The following GRM8 variants were observed in gnomAD, a reference collection of about 807,000 sequenced individuals.
GRM8 encodes metabotropic glutamate receptor 8.
In GRM8, 47 loss-of-function variants were observed where a neutral mutation model predicts 87.2. That is an observed-to-expected ratio of 0.54 (90% CI 0.43 to 0.69). The LOEUF (loss-of-function observed/expected upper bound fraction) is 0.69, where lower values mean the gene tolerates loss of function less well. Ranked by LOEUF, GRM8 falls within the 30% of genes least tolerant of loss-of-function variation. GRM8 has a pLI of 0.00. For missense variants in GRM8, 1,019 were observed against 1,139.2 expected (o/e 0.89, Z 1.52); for synonymous variants, 396 against 404.5 (o/e 0.98, Z 0.25).
intron 7 of GRM8, among the ~76,000 whole-genome samples, chr7:126,656,838 C>T (rs1044222482): frequency 6.6e-6 from 1 of 152,112 alleles, no homozygotes; most frequent in East Asian, 1.9e-4. Flanking sequence ...AAAAGTTATG[C>T]CTCTCATCAG....
chr7:126,483,774 T>TCCC, intron 9 of GRM8, among the ~76,000 whole-genome samples: 7 of 51,786 alleles, frequency 1.4e-4, no homozygotes, highest in African/African-American at 4.6e-4. Flanking sequence ...CCTCCCTCCC[T>TCCC]TCCTCCCCTC....
At chr7:126,531,320 A>G (rs1265037289) in intron 9 of GRM8, among the ~76,000 whole-genome samples, 2 of 152,240 alleles carry the variant, frequency 1.3e-5, no homozygotes, top group African/African-American at 2.4e-5. Context: ...TATAAATACA[A>G]AATGAATCCA....
At chr7:126,584,745 T>C (rs1442572286) in intron 8 of GRM8, among the ~76,000 whole-genome samples, 1 of 152,186 alleles carries the variant, frequency 6.6e-6, no homozygotes, top group African/African-American at 2.4e-5. Flanking sequence ...CGTTTCCGCT[T>C]AGGCCTGTTT....
intron 7 of GRM8, among the ~76,000 whole-genome samples, chr7:126,724,391 T>C (rs986274807): frequency 1.9e-4 from 29 of 152,118 alleles, no homozygotes; most frequent in Non-Finnish European, 2.4e-4. Flanking sequence ...GGTGCAAATA[T>C]ACAGCAGGAA....
intron 9 of GRM8, among the ~76,000 whole-genome samples, chr7:126,448,938 A>T (rs1802316287): frequency 6.6e-6 from 1 of 151,824 alleles, no homozygotes; most frequent in South Asian, 2.1e-4. Flanking sequence ...AACAGGTACT[A>T]GGCTTAATAC....
intron 3 of GRM8, among the ~76,000 whole-genome samples, chr7:127,089,661 C>A (rs747647394): frequency 6.6e-6 from 1 of 152,134 alleles, no homozygotes; most frequent in Non-Finnish European, 1.5e-5. Context: ...AGTTTTTGTA[C>A]CCTAAATTGC....
At chr7:126,931,320 CA>C (rs1805742123) in intron 3 of GRM8, among the ~76,000 whole-genome samples, 2 of 152,124 alleles carry the variant, frequency 1.3e-5, no homozygotes, top group African/African-American at 4.8e-5. Flanking sequence ...ACTCAGGTTG[CA>C]AAGATTCTGT....
At chr7:126,857,508 T>G (rs905129001) in intron 6 of GRM8, among the ~76,000 whole-genome samples, 6 of 152,154 alleles carry the variant, frequency 3.9e-5, no homozygotes, top group African/African-American at 1.2e-4. Flanking sequence ...AAAGTTCACC[T>G]TAATAAAAAA....
chr7:126,445,960 A>C, intron 10 of GRM8, 166 bp downstream of exon 10: 1 of 765,558 alleles, frequency 1.3e-6, no homozygotes. Context: ...TCTTGAGACC[A>C]TTTGCTTCGA....
At chr7:126,878,386 C>T (rs1315020506) in intron 6 of GRM8, among the ~76,000 whole-genome samples, 1 of 152,184 alleles carries the variant, frequency 6.6e-6, no homozygotes, top group East Asian at 1.9e-4. Context: ...CAGGCATAGA[C>T]AGGACTTCAG....
At chr7:126,639,134 G>A (rs1248675493) in intron 7 of GRM8, among the ~76,000 whole-genome samples, 1 of 152,190 alleles carries the variant, frequency 6.6e-6, no homozygotes, top group Non-Finnish European at 1.5e-5. Context: ...CTTCTTTCAA[G>A]TGCTTGTCCA....
At chr7:127,088,495 C>G (rs989068463) in intron 3 of GRM8, among the ~76,000 whole-genome samples, 5 of 152,164 alleles carry the variant, frequency 3.3e-5, no homozygotes, top group Admixed American at 6.5e-5. Context: ...TATTATGATG[C>G]ATGGTTACAT....
chr7:127,098,830 T>C (rs762373206), intron 3 of GRM8, among the ~76,000 whole-genome samples: 1 of 152,172 alleles, frequency 6.6e-6, no homozygotes, highest in Non-Finnish European at 1.5e-5. Context: ...TTCTGCCCCC[T>C]GTAATGTATG....
chr7:126,560,430 CA>C (rs1347372925), intron 8 of GRM8, among the ~76,000 whole-genome samples: 1 of 151,932 alleles, frequency 6.6e-6, no homozygotes, highest in African/African-American at 2.4e-5. Flanking sequence ...TTTCAAGCAG[CA>C]GGGGGGAATG....
At chr7:127,250,637 A>G (rs1798817783) in intron 1 of GRM8, among the ~76,000 whole-genome samples, 1 of 152,194 alleles carries the variant, frequency 6.6e-6, no homozygotes, top group Non-Finnish European at 1.5e-5. Context: ...TCTTTTCAAA[A>G]TTATCAAGCC....
intron 6 of GRM8, among the ~76,000 whole-genome samples, chr7:126,877,485 C>T (rs1370172134): frequency 6.6e-6 from 1 of 152,192 alleles, no homozygotes; most frequent in African/African-American, 2.4e-5. Context: ...CCATATTGGA[C>T]AGAACGTTCA....
At chr7:127,093,473 C>A (rs1586981102) in intron 3 of GRM8, among the ~76,000 whole-genome samples, 1 of 152,304 alleles carries the variant, frequency 6.6e-6, no homozygotes. Context: ...ACACACAAGG[C>A]TAGCAATGCA....
At chr7:127,111,590 C>A (rs1019547727) in intron 2 of GRM8, among the ~76,000 whole-genome samples, 1 of 152,196 alleles carries the variant, frequency 6.6e-6, no homozygotes, top group African/African-American at 2.4e-5. Context: ...TATGACCTAG[C>A]AATGGTGGAG....
chr7:127,045,449 C>A (rs943582753), intron 3 of GRM8, among the ~76,000 whole-genome samples: 1 of 152,044 alleles, frequency 6.6e-6, no homozygotes, highest in African/African-American at 2.4e-5. Flanking sequence ...GCAGTCTAAT[C>A]CGTTATTTTT....
Sources: allele counts gnomAD v4.1 joint callset (sites outside exome capture counted in the v4.1 genomes callset), GRCh38; gene constraint gnomAD v4.1.1; transcripts MANE v1.5; gene names NCBI Gene and HGNC (gene_info 2026-07-23, HGNC 2026-07-21).